Variants in MCCC1 observed in about 807,000 individuals in gnomAD.
MCCC1 encodes the protein methylcrotonyl-CoA carboxylase subunit 1, also known as methylcrotonoyl-CoA carboxylase subunit alpha, mitochondrial.
A neutral mutation model predicts 83.8 loss-of-function variants in MCCC1; 64 were observed. The observed-to-expected ratio is 0.76, with a 90% CI of 0.62 to 0.94. The LOEUF is 0.94. Ranked by LOEUF, MCCC1 falls within the 40% of genes least tolerant of loss-of-function variation. MCCC1 has a pLI of 0.00. For missense variants in MCCC1, 807 were observed against 904.7 expected (o/e 0.89, Z 1.39); for synonymous variants, 322 against 315.4 (o/e 1.02, Z -0.22).
upstream of MCCC1, among the ~76,000 whole-genome samples, chr3:183,104,533 TAGAG>T (rs970948080): frequency 3.3e-5 from 5 of 151,882 alleles, no homozygotes; most frequent in African/African-American, 1.2e-4. Flanking sequence ...AACATACACA[TAGAG>T]AAAGTCAAAC....
At chr3:183,077,877 CTCCTT>C (rs1433326292) in intron 4 of MCCC1, among the ~76,000 whole-genome samples, 1 of 152,138 alleles carries the variant, frequency 6.6e-6, no homozygotes, top group Non-Finnish European at 1.5e-5. Context: ...TTGAAAAACT[CTCCTT>C]TCCTCTATTG....
intron 18 of MCCC1, among the ~76,000 whole-genome samples, chr3:183,015,924 T>G (rs1455889321): frequency 2.7e-5 from 4 of 149,026 alleles, no homozygotes; most frequent in African/African-American, 4.9e-5. Context: ...TTTTTTTTTT[T>G]GTTTTTTGTT....
rs190627644 is a variant in MCCC1 at position 183,074,483 on chromosome 3, T to A, written c.370-1996A>T. Among the ~76,000 whole-genome samples, 68 of 152,296 alleles carry A rather than the reference T, an allele frequency of 4.5e-4. 2 individuals are homozygous for A. The East Asian group carries it at 0.01, about 22-fold the overall frequency. On this transcript the variant is annotated intron_variant, in intron 4 of 18. Coordinates refer to ENST00000265594, the MANE Select transcript of MCCC1 (RefSeq NM_020166.5). Reference sequence around the variant, plus strand: ...CTAAAATGTGAGCGAGTATTATAATTATGACCAAAACAATGTAAAAACACA... The same window carrying A: ...CTAAAATGTGAGCGAGTATTATAATAATGACCAAAACAATGTAAAAACACA...
intron 1 of MCCC1, among the ~76,000 whole-genome samples, chr3:183,113,771 T>C (rs929102042): frequency 6.6e-6 from 1 of 151,586 alleles, no homozygotes; most frequent in Middle Eastern, 3.4e-3. Flanking sequence ...TTTCCCAGAG[T>C]TCTGGGAGCC....
chr3:183,025,800 T>C lies in MCCC1; in HGVS notation c.1686A>G (p.Val562=). ...NMTLKDGKNN[V]AIAVTYNHDG... is the part of the protein sequence containing the mutation. ...CATGGTTATACGTTACAGCTATGGC[T>C]ACATCTTTATGGAAAAAGGGAAAAA... Residue 562 remains valine, a synonymous_variant, in exon 15 of 19, where the codon GTA becomes GTG. Coordinates refer to ENST00000265594, the MANE Select transcript of MCCC1 (RefSeq NM_020166.5). 6 of 1,613,098 alleles carry C rather than the reference T, an allele frequency of 3.7e-6. No homozygotes were observed. Among genetic ancestry groups the C allele is most frequent in the Non-Finnish European group, 4.2e-6 (5 of 1,179,160 alleles).
At chr3:183,102,758 G>GTTTTTTTTTTTTTTTTTTTTTTTTTTT (rs566199257), upstream of MCCC1, among the ~76,000 whole-genome samples, 3 of 52,168 alleles carry the variant, frequency 5.8e-5, 1 homozygote, top group South Asian at 1.4e-3. Context: ...AGCAGAGAAA[G>GTTTTTTTTTTTTTTTTTTTTTTTTTTT]TTTTTTTTTT....
intron 8 of MCCC1, among the ~76,000 whole-genome samples, chr3:183,055,230 C>T (rs533776401): frequency 5.5e-4 from 81 of 146,208 alleles, no homozygotes; most frequent in African/African-American, 1.8e-3. Flanking sequence ...GGTGAAACCC[C>T]GTCTCTACTA....
chr3:183,091,294 G>A (rs1387844305), intron 3 of MCCC1, among the ~76,000 whole-genome samples: 3 of 152,192 alleles, frequency 2.0e-5, no homozygotes, highest in Non-Finnish European at 2.9e-5. Flanking sequence ...TAGGCTGGGC[G>A]CAGTGGCTCA....
intron 14 of MCCC1, among the ~76,000 whole-genome samples, chr3:183,028,128 G>T (rs1712762002): frequency 6.6e-6 from 1 of 152,156 alleles, no homozygotes; most frequent in African/African-American, 2.4e-5. Context: ...TGAATTAAAT[G>T]CTCATTTACC....
chr3:183,039,244 C>T, intron 11 of MCCC1, 109 bp from the exon 12 acceptor site: 1 of 1,031,966 alleles, frequency 9.7e-7, no homozygotes, highest in Non-Finnish European at 1.5e-6. Context: ...TCATAAACCC[C>T]TGCATGATAA....
chr3:183,096,335 CAAAA>C (rs1013597616), intron 1 of MCCC1, among the ~76,000 whole-genome samples: 2 of 145,158 alleles, frequency 1.4e-5, no homozygotes, highest in South Asian at 2.1e-4. Flanking sequence ...GACTCCATCT[CAAAA>C]AAAAAAATAA....
chr3:183,061,625 C>T (rs928969702), intron 7 of MCCC1, among the ~76,000 whole-genome samples: 1 of 152,224 alleles, frequency 6.6e-6, no homozygotes, highest in Non-Finnish European at 1.5e-5. Context: ...AGGGCTCCAG[C>T]AGGTAAACTG....
chr3:183,065,493 T>G (rs1716189703), intron 7 of MCCC1, among the ~76,000 whole-genome samples: 2 of 152,238 alleles, frequency 1.3e-5, no homozygotes, highest in African/African-American at 4.8e-5. Flanking sequence ...ATTTATGTGA[T>G]TTAAGTAATC....
chr3:183,063,697 G>C (rs905314370), intron 7 of MCCC1, among the ~76,000 whole-genome samples: 6 of 152,080 alleles, frequency 3.9e-5, no homozygotes, highest in Non-Finnish European at 2.9e-5. Context: ...ATCCTCTCTT[G>C]GGGTCTGGAT....
intron 4 of MCCC1, among the ~76,000 whole-genome samples, chr3:183,081,212 C>T (rs1052222637): frequency 3.3e-5 from 5 of 152,206 alleles, no homozygotes; most frequent in Non-Finnish European, 5.9e-5. Flanking sequence ...AAAACAACAG[C>T]ACCACTACTA....
At chr3:183,048,157 A>C (rs1337789405) in intron 9 of MCCC1, among the ~76,000 whole-genome samples, 1 of 152,234 alleles carries the variant, frequency 6.6e-6, no homozygotes, top group Non-Finnish European at 1.5e-5. Context: ...AAAGGAGAGG[A>C]AATTGGATCA....
At position 183,020,256 on chromosome 3, in the gene MCCC1, C is replaced by A. The variant is rs1712041362; in HGVS notation, c.1870-19G>T. ...TTCCTTCCTAGAAACAGAAAACAAACTGAAAACCGAATCAACATCCTATCA... is the reference window on the plus strand; with the variant it reads ...TTCCTTCCTAGAAACAGAAAACAAAATGAAAACCGAATCAACATCCTATCA... On this transcript the variant is annotated intron_variant, in intron 16 of 18. Coordinates refer to ENST00000265594, the MANE Select transcript of MCCC1 (RefSeq NM_020166.5). 1 of 1,569,816 alleles carries A rather than the reference C, an allele frequency of 6.4e-7. No individual in the cohort carries two copies. The highest frequency in any genetic ancestry group is 1.1e-5 in the South Asian group (1 of 90,064).
chr3:183,020,264 C>T (rs368209927), intron 16 of MCCC1, 27 bp from the exon 17 acceptor site: 32 of 1,514,584 alleles, frequency 2.1e-5, no homozygotes, highest in African/African-American at 1.8e-4. Context: ...AACTGAAAAC[C>T]GAATCAACAT....
rs147087448 is a variant in MCCC1 at position 183,022,489 on chromosome 3, T to C, written c.1797A>G (p.Lys599=). 12 of 1,613,888 alleles carry C rather than the reference T, an allele frequency of 7.4e-6. No homozygotes were observed. Among genetic ancestry groups the C allele is most frequent in the Admixed American group, 6.7e-5 (4 of 59,986 alleles). Residue 599 remains lysine, a synonymous_variant, in exon 16 of 19, where the codon AAA becomes AAG. Transcript: ENST00000265594. ...TACTAGCAACTCCATTAACAGAACA[T>C]TTCAGGTAAGTGCAGTCTCCCTCGC... ...LYSEGDCTYL[K]CSVNGVASKA... is the part of the protein sequence containing the mutation.
Sources: gnomAD v4.1 joint callset for allele counts (sites outside exome capture counted in the v4.1 genomes callset) on GRCh38, gnomAD v4.1.1 for gene constraint, MANE v1.5 for transcripts, NCBI Gene and HGNC (gene_info 2026-07-23, HGNC 2026-07-21) for gene names.